SEMA4A: variants seen among roughly 807,000 people sequenced by gnomAD.
SEMA4A encodes semaphorin 4A, also known as semaphorin-4A.
In SEMA4A, 52 loss-of-function variants were observed where a neutral mutation model predicts 72.5. That is an observed-to-expected ratio of 0.72 (90% CI 0.57 to 0.90). The LOEUF is 0.90. Ranked by LOEUF, SEMA4A falls within the 40% of genes least tolerant of loss-of-function variation. The probability of loss-of-function intolerance (pLI) is 0.00; values close to 1 mark genes in which losing one functional copy is unlikely to be tolerated. For missense variants in SEMA4A, 926 were observed against 959.7 expected, an observed-to-expected ratio of 0.96 and a Z score of 0.46; for synonymous variants, 369 against 393.1, an observed-to-expected ratio of 0.94 and a Z score of 0.73.
Position 156,161,361 on chromosome 1 carries a change from G to A in SEMA4A, c.826G>A (p.Glu276Lys). Reference sequence around the variant, plus strand: ...GTGCCCCCAGAATGACGTGGGCGGCGAAAAGCTGCTGCAGAAGAAGTGGAC... The same window carrying A: ...GTGCCCCCAGAATGACGTGGGCGGCAAAAAGCTGCTGCAGAAGAAGTGGAC... Reference protein sequence around the residue: ...ARVCKNDVGGEKLLQKKWTTF... With the variant: ...ARVCKNDVGGKKLLQKKWTTF... The change falls in exon 9 of 15, where the codon GAA becomes AAA. Residue 276 changes from glutamate to lysine, a missense_variant. Transcript: ENST00000368285. 6.8e-6 allele frequency: 11 copies of A among 1,612,438 alleles called. No individual in the cohort carries two copies. Among genetic ancestry groups the A allele is most frequent in the Non-Finnish European group, 9.3e-6 (11 of 1,179,524 alleles).
chr1:156,156,501 T>C lies in SEMA4A; in HGVS notation c.227T>C (p.Leu76Pro). 3.7e-6 allele frequency: 6 copies of C among 1,614,094 alleles called. No individual in the cohort carries two copies. Among genetic ancestry groups the C allele is most frequent in the Non-Finnish European group, 5.1e-6 (6 of 1,180,016 alleles). Residue 76 changes from leucine (L) to proline (P), a missense_variant, in exon 3 of 15, where the codon CTC (leucine) becomes CCC (proline). Coordinates refer to ENST00000368285, the MANE Select transcript of SEMA4A (RefSeq NM_022367.4). ...CTCCTGAGTGGTGATGGAAATACTC[T>C]CTACGTGGGGGCTCGAGAAGCCATT... ...TLLLSGDGNT[L>P]YVGAREAILA... is the part of the protein sequence containing the mutation.
chr1:156,162,980 C>T lies in SEMA4A; in HGVS notation c.1020C>T (p.Ala340=), dbSNP rs1347901062. The change falls in exon 10 of 15, where the codon GCC becomes GCT. Residue 340 remains alanine, a synonymous_variant. Coordinates refer to ENST00000368285, the MANE Select transcript of SEMA4A (RefSeq NM_022367.4). Reference sequence around the variant, plus strand: ...GGACCAGGAGCTCTGCGGTTTGTGCCTTCTCTCTCTTGGACATTGAACGTG... The same window carrying T: ...GGACCAGGAGCTCTGCGGTTTGTGCTTTCTCTCTCTTGGACATTGAACGTG... ...VGGTRSSAVC[A]FSLLDIERVF... is the part of the protein sequence containing the mutation. 6.2e-7 allele frequency: 1 copy of T among 1,614,062 alleles called. No homozygotes were observed. Among genetic ancestry groups the T allele is most frequent in the Admixed American group, 1.7e-5 (1 of 60,024 alleles).
chr1:156,156,530 G>T lies in SEMA4A; in HGVS notation c.256G>T (p.Ala86Ser), dbSNP rs768422312. Residue 86 changes from alanine to serine, a missense_variant, in exon 3 of 15, where the codon GCC becomes TCC. By Grantham distance (99) the Ala-to-Ser change is moderately conservative. Coordinates refer to ENST00000368285, the MANE Select transcript of SEMA4A (RefSeq NM_022367.4). ...CGTGGGGGCTCGAGAAGCCATTCTG[G>T]CCTTGGATATCCAGGATCCAGGGGT... ...LYVGAREAIL[A>S]LDIQDPGVPR... 1 of 1,614,062 alleles carries T rather than the reference G, an allele frequency of 6.2e-7. No individual in the cohort carries two copies. Among genetic ancestry groups the T allele is most frequent in the South Asian group, 1.1e-5 (1 of 91,080 alleles).
In SEMA4A at chr1:156,157,375, G is replaced by T. The variant is rs751572828; in HGVS notation, c.301-695G>T. ...ATTTTTCTGTTTTTAGTAGAGACGG[G>T]GTTTCACCATGTTGGTCAGCCTGGT... On this transcript the variant is annotated intron_variant, in intron 3 of 14. Transcript: ENST00000368285. This position sits in a 1 kb window ranked among gnomAD's most constrained non-coding sequence, Gnocchi z 4.5. 5.9e-5 allele frequency among the ~76,000 whole-genome samples: 9 copies of T among 151,992 alleles called. No individual in the cohort carries two copies. Among genetic ancestry groups the T allele is most frequent in the Non-Finnish European group, 1.3e-4 (9 of 68,016 alleles).
In SEMA4A at chr1:156,177,524, C is replaced by A; in HGVS notation, c.*527C>A. The stretch of plus-strand genomic sequence containing the variant: ...TTACCAGTCGTGCACCGCTGACTCC[C>A]AGGAAGTCTTTCCTGAAGTCTGACC... On this transcript the variant is annotated 3_prime_UTR_variant, in exon 15 of 15. Transcript: ENST00000368285. 1 of 192,040 alleles carries A rather than the reference C, an allele frequency of 5.2e-6. No homozygotes were observed. The highest frequency in any genetic ancestry group is 1.1e-5 in the Non-Finnish European group (1 of 90,438). The allele number at this position is 192,040 out of a possible 1,614,324, so 11.9% of individuals were successfully genotyped here.
chr1:156,148,062 A>C (rs981781673), upstream of SEMA4A, among the ~76,000 whole-genome samples: 1 of 152,214 alleles, frequency 6.6e-6, no homozygotes, highest in African/African-American at 2.4e-5. Context: ...AAGTGGAGCC[A>C]GGTAGGATCT....
rs1472862168 is a variant in SEMA4A, at chr1:156,175,723, A to G, written c.1693+67A>G. On this transcript the variant is annotated intron_variant, in intron 14 of 14. Transcript: ENST00000368285. ...GGAAGACTTTTGGGCAGGGGTGGGC[A>G]TTCCTGCTCCAATTTCCTCCCCCAG... 10 of 1,140,124 alleles carry G rather than the reference A, an allele frequency of 8.8e-6. No individual in the cohort carries two copies. The African/African-American group carries it at 9.2e-5, about 10-fold the overall frequency. The allele number at this position is 1,140,124 out of a possible 1,614,324, so 70.6% of individuals were successfully genotyped here.
intron 10 of SEMA4A, among the ~76,000 whole-genome samples, chr1:156,170,240 G>C (rs545618976): frequency 6.6e-6 from 1 of 151,234 alleles, no homozygotes; most frequent in Admixed American, 6.6e-5. Context: ...GTGGTGGGTG[G>C]ATCACTTGAG....
At position 156,158,757 on chromosome 1, in the gene SEMA4A, C is replaced by A; in HGVS notation, c.501C>A (p.Asp167Glu). ...QDSYLLPISE[D>E]KVMEGKGQSP... ...CCTACCTGTTGCCCATCTCGGAGGA[C>A]AAGGTCATGGAGGGAAAAGGCCAAA... The change falls in exon 6 of 15, where the codon GAC (aspartate) becomes GAA (glutamate). Residue 167 changes from aspartate to glutamate, a missense_variant. Asp to Glu is a conservative substitution (Grantham distance 45). Transcript: ENST00000368285. 1 of 1,614,038 alleles carries A rather than the reference C, an allele frequency of 6.2e-7. No homozygotes were observed.
intron 10 of SEMA4A, chr1:156,163,334 C>G: frequency 1.8e-6 from 1 of 546,898 alleles, no homozygotes; most frequent in Non-Finnish European, 3.3e-6. Flanking sequence ...CACCAAATAT[C>G]TGGGTATATC....
upstream of SEMA4A, among the ~76,000 whole-genome samples, chr1:156,151,558 C>T (rs968930992): frequency 5.9e-5 from 9 of 152,158 alleles, no homozygotes; most frequent in Non-Finnish European, 1.3e-4. Flanking sequence ...TGGGGCTGGG[C>T]ACAGTGTCTC....
chr1:156,156,097 T>G (rs984911968), intron 2 of SEMA4A: 11 of 394,020 alleles, frequency 2.8e-5, no homozygotes, highest in Non-Finnish European at 5.4e-5. Flanking sequence ...CTCATCCTAG[T>G]GAGGACCAAG....
intron 14 of SEMA4A, among the ~76,000 whole-genome samples, 163 bp downstream of exon 14, chr1:156,175,819 T>C (rs534778701): frequency 6.6e-6 from 1 of 152,244 alleles, no homozygotes; most frequent in Non-Finnish European, 1.5e-5. Context: ...GGAAGAGGCA[T>C]AGGAATTCTG....
At chr1:156,175,716 G>A in intron 14 of SEMA4A, 60 bp downstream of exon 14, 1 of 1,224,830 alleles carries the variant, frequency 8.2e-7, no homozygotes, top group Non-Finnish European at 1.2e-6. Flanking sequence ...TTTGGGCAGG[G>A]GTGGGCATTC....
At chr1:156,156,851 C>G (rs986412831) in intron 3 of SEMA4A, among the ~76,000 whole-genome samples, 3 of 150,960 alleles carry the variant, frequency 2.0e-5, no homozygotes, top group Non-Finnish European at 4.4e-5. Context: ...TCAAGCAATT[C>G]TCCTGCCTCA....
chr1:156,147,962 C>T (rs2102914100), upstream of SEMA4A, among the ~76,000 whole-genome samples: 1 of 152,316 alleles, frequency 6.6e-6, no homozygotes, highest in Admixed American at 6.5e-5. Flanking sequence ...ACTCTCTCAT[C>T]AAGACTATTT....
Position 156,157,882 on chromosome 1 carries a change from T to A in SEMA4A, c.301-188T>A, listed in dbSNP as rs1300136508. Among the ~76,000 whole-genome samples the A allele has an allele frequency of 1.3e-5, 2 of 152,214 alleles. No individual in the cohort carries two copies. Among genetic ancestry groups the A allele is most frequent in the African/African-American group, 2.4e-5 (1 of 41,442 alleles). ...TAGGCTGTGTTCAACTATGGAGCTATGTCTGATACCAGTATTATTCAAGTA... is the reference window on the plus strand; with the variant it reads ...TAGGCTGTGTTCAACTATGGAGCTAAGTCTGATACCAGTATTATTCAAGTA... On this transcript the variant is annotated intron_variant, in intron 3 of 14. Coordinates refer to ENST00000368285, the MANE Select transcript of SEMA4A (RefSeq NM_022367.4). The surrounding 1 kb of genome is among the most constrained non-coding windows in gnomAD (Gnocchi z 4.5).
At chr1:156,175,435 T>C in intron 13 of SEMA4A, 121 bp from the exon 14 acceptor site, 1 of 1,101,284 alleles carries the variant, frequency 9.1e-7, no homozygotes. Flanking sequence ...TCCGCGTTCC[T>C]CTCTCTGTTC....
At chr1:156,154,466 C>A in intron 1 of SEMA4A, 84 bp from the exon 2 acceptor site, 1 of 1,284,136 alleles carries the variant, frequency 7.8e-7, no homozygotes, top group Non-Finnish European at 1.1e-6. Context: ...CACGCTTCTG[C>A]TGCCTGGGGC....
Sources: allele counts gnomAD v4.1 joint callset (sites outside exome capture counted in the v4.1 genomes callset), GRCh38; gene constraint gnomAD v4.1.1; non-coding constraint Gnocchi (gnomAD v3.1); transcripts MANE v1.5; gene names NCBI Gene and HGNC (gene_info 2026-07-23, HGNC 2026-07-21).